Variants in RELL1 observed in about 807,000 individuals in gnomAD.
RELL1 encodes the protein RELT-like protein 1.
Under a neutral mutation model 23.0 loss-of-function variants are expected in RELL1, and 10 were observed. The ratio of observed to expected loss-of-function variants is 0.43; its 90% CI spans 0.27 to 0.74. The LOEUF (loss-of-function observed/expected upper bound fraction) is 0.74, where lower values mean the gene tolerates loss of function less well. RELL1 is among the 30% of genes least tolerant of loss of function. The pLI, the probability that RELL1 is intolerant of heterozygous loss-of-function variation, is 0.19. For synonymous variants in RELL1, 146 were observed against 146.8 expected, an observed-to-expected ratio of 0.99 and a Z score of 0.04; for missense variants, 315 against 364.4, an observed-to-expected ratio of 0.86 and a Z score of 1.10.
intron 1 of RELL1, among the ~76,000 whole-genome samples, chr4:37,661,848 A>T (rs1410005166): frequency 1.3e-5 from 2 of 152,208 alleles, no homozygotes; most frequent in Non-Finnish European, 2.9e-5. Context: ...ATAAGTGCTG[A>T]ACTCTGTAGT....
chr4:37,614,125 T>G (rs1373538751), intron 6 of RELL1, among the ~76,000 whole-genome samples: 1 of 152,202 alleles, frequency 6.6e-6, no homozygotes, highest in Non-Finnish European at 1.5e-5. Context: ...TGCAGAAATA[T>G]GAAGAAATAG....
At chr4:37,652,021 C>T (rs781635555) in intron 1 of RELL1, among the ~76,000 whole-genome samples, 36 of 152,174 alleles carry the variant, frequency 2.4e-4, no homozygotes, top group Non-Finnish European at 4.3e-4. Context: ...GGCAGAGCGT[C>T]GCCAGCCAGG....
intron 6 of RELL1, among the ~76,000 whole-genome samples, chr4:37,601,691 G>A (rs932319576): frequency 6.6e-6 from 1 of 152,250 alleles, no homozygotes; most frequent in African/African-American, 2.4e-5. Flanking sequence ...GCTCTAGGAA[G>A]TCTCAGCTGC....
rs1260347737 is a variant in RELL1 at position 37,611,150 on chromosome 4, C to T, written c.*2196G>A. On this transcript the variant is annotated 3_prime_UTR_variant, in exon 7 of 7. Transcript: ENST00000454158. ...GAATAAGATGGAAAAATAATTAAAG[C>T]TAAAGAATATCTTACATTTTATCCC... 6.6e-6 allele frequency among the ~76,000 whole-genome samples: 1 copy of T among 152,040 alleles called. No homozygotes were observed. Among genetic ancestry groups the T allele is most frequent in the African/African-American group, 2.4e-5 (1 of 41,372 alleles).
At chr4:37,679,038 T>C (rs1278272749) in intron 1 of RELL1, among the ~76,000 whole-genome samples, 1 of 152,112 alleles carries the variant, frequency 6.6e-6, no homozygotes, top group East Asian at 1.9e-4. Context: ...CTTGGGGTAT[T>C]GCAGGTGGGA....
At chr4:37,674,210 G>C (rs1721939309) in intron 1 of RELL1, among the ~76,000 whole-genome samples, 1 of 152,154 alleles carries the variant, frequency 6.6e-6, no homozygotes, top group Non-Finnish European at 1.5e-5. Flanking sequence ...TCAATCACAA[G>C]TTTGTGGAGA....
At chr4:37,671,963 G>T (rs1337318629) in intron 1 of RELL1, among the ~76,000 whole-genome samples, 3 of 152,086 alleles carry the variant, frequency 2.0e-5, no homozygotes, top group Non-Finnish European at 2.9e-5. Context: ...CAGCCAAATG[G>T]TAGAGATTCA....
chr4:37,633,829 A>G (rs543970812), intron 5 of RELL1, among the ~76,000 whole-genome samples: 1 of 152,352 alleles, frequency 6.6e-6, no homozygotes, highest in South Asian at 2.1e-4. Context: ...AGAGGGGGAA[A>G]CTGAGGCATG....
intron 1 of RELL1, among the ~76,000 whole-genome samples, chr4:37,652,964 G>A (rs1721002392): frequency 6.6e-6 from 1 of 152,106 alleles, no homozygotes; most frequent in Admixed American, 6.5e-5. Context: ...TAACTGTTCT[G>A]TACTCTGTTT....
intron 1 of RELL1, among the ~76,000 whole-genome samples, chr4:37,677,007 A>T (rs1026080168): frequency 6.6e-6 from 1 of 152,196 alleles, no homozygotes. Flanking sequence ...CAGGACACCG[A>T]ACCTTTCTGG....
rs1719142500 is a variant in RELL1 at position 37,604,904 on chromosome 4, C to CAG, written c.*4-13688_*4-13687insCT. Reference sequence around the variant, plus strand: ...ATACACACAGACACACACACAGACACACACACACACACACAGACACACACA... The same window carrying CAG: ...ATACACACAGACACACACACAGACACAGACACACACACACACAGACACACACA... On this transcript the variant is annotated intron_variant, in intron 6 of 6. Coordinates refer to the RELL1 transcript ENST00000314117. Among the ~76,000 whole-genome samples the CAG allele has an allele frequency of 7.8e-5, 4 of 51,100 alleles. 2 individuals are homozygous for CAG. The highest frequency in any genetic ancestry group is 2.4e-4 in the African/African-American group (4 of 16,506). The allele number at this position is 51,100 out of a possible 152,430, so 33.5% of individuals were successfully genotyped here.
chr4:37,659,168 A>C (rs1479584155), intron 1 of RELL1, among the ~76,000 whole-genome samples: 7 of 152,226 alleles, frequency 4.6e-5, no homozygotes, highest in Non-Finnish European at 7.3e-5. Flanking sequence ...AAAAATGTCC[A>C]ACACAAAGGC....
At chr4:37,605,795 G>GAAAGA, downstream of RELL1, among the ~76,000 whole-genome samples, 1 of 76,752 alleles carries the variant, frequency 1.3e-5, no homozygotes, top group African/African-American at 4.8e-5. Flanking sequence ...GAAAGAAAGA[G>GAAAGA]AAAGAAAGAA....
chr4:37,648,097 T>C (rs539900609), intron 2 of RELL1, among the ~76,000 whole-genome samples: 1 of 152,372 alleles, frequency 6.6e-6, no homozygotes, highest in Admixed American at 6.5e-5. Flanking sequence ...TCACAGAGAA[T>C]GCATCAAGGT....
chr4:37,631,474 T>C lies in RELL1; in HGVS notation c.730A>G (p.Ser244Gly), dbSNP rs1313097512. 1 of 1,614,014 alleles carries C rather than the reference T, an allele frequency of 6.2e-7. No individual in the cohort carries two copies. Among genetic ancestry groups the C allele is most frequent in the African/African-American group, 1.3e-5 (1 of 74,900 alleles). ...EHKSNQKERRSLMSVSGAETV... is the reference protein window; with the variant it reads ...EHKSNQKERRGLMSVSGAETV... ...TCAGCCCCACTAACAGACATCAGGC[T>C]TCTCCGTTCCTTCTGGTTTGACTTG... is the stretch of plus-strand genomic sequence containing the variant. The change falls in exon 6 of 7, where the codon AGC (serine) becomes GGC (glycine). Residue 244 changes from serine (S) to glycine (G), a missense_variant. Ser to Gly is a moderately conservative substitution (Grantham distance 56, BLOSUM62 0). Transcript: ENST00000454158.
intron 1 of RELL1, among the ~76,000 whole-genome samples, chr4:37,683,443 T>C (rs1021529939): frequency 2.0e-5 from 3 of 152,186 alleles, no homozygotes; most frequent in Admixed American, 6.5e-5. Flanking sequence ...TTTCACAGGG[T>C]TATGAGCAAT....
At chr4:37,595,188 G>A (rs1051295422) in intron 6 of RELL1, among the ~76,000 whole-genome samples, 2 of 152,018 alleles carry the variant, frequency 1.3e-5, no homozygotes, top group Non-Finnish European at 2.9e-5. Context: ...AGAACAATAA[G>A]TCATTCATTT....
chr4:37,590,892 C>CGATGGA, exon 7 of RELL1: 3 of 1,614,160 alleles, frequency 1.9e-6, no homozygotes, highest in Non-Finnish European at 2.5e-6. Context: ...CCCATGGCTC[C>CGATGGA]GATGGAGATG....
chr4:37,675,896 ACT>A (rs1722012235), intron 1 of RELL1, among the ~76,000 whole-genome samples: 1 of 152,028 alleles, frequency 6.6e-6, no homozygotes, highest in African/African-American at 2.4e-5. Context: ...TGGACTCAGC[ACT>A]CTCAGGTGGG....
Sources: allele counts gnomAD v4.1 joint callset (sites outside exome capture counted in the v4.1 genomes callset), GRCh38; gene constraint gnomAD v4.1.1; transcripts MANE v1.5; gene names NCBI Gene and HGNC (gene_info 2026-07-23, HGNC 2026-07-21).